OTOG: variants seen among roughly 807,000 people sequenced by gnomAD.
OTOG encodes the protein otogelin.
OTOG carries 296 observed loss-of-function variants against 313.8 expected under a neutral mutation model. The ratio of observed to expected loss-of-function variants is 0.94; its 90% confidence interval spans 0.86 to 1.04. The LOEUF is 1.04. Ranked by LOEUF, OTOG falls within the 50% of genes least tolerant of loss-of-function variation. OTOG has a pLI of 0.00. For missense variants in OTOG, 3,948 were observed against 3,840.1 expected (o/e 1.03, Z -0.74); for synonymous variants, 1,533 against 1,554.9 (o/e 0.99, Z 0.33).
intron 54 of OTOG, among the ~76,000 whole-genome samples, chr11:17,644,164 A>G (rs1393227504): frequency 6.6e-6 from 1 of 152,240 alleles, no homozygotes; most frequent in East Asian, 1.9e-4. Context: ...CTGGGCTTGC[A>G]TGGGAAAGCT....
rs1195697994 is a variant in OTOG at position 17,638,508 on chromosome 11, A to T, written c.7853A>T (p.Glu2618Val). 2.6e-6 allele frequency: 4 copies of T among 1,550,176 alleles called. No homozygotes were observed. The highest frequency in any genetic ancestry group is 3.5e-6 in the Non-Finnish European group (4 of 1,146,986). Residue 2618 changes from glutamate to valine, a missense_variant, in exon 48 of 56, where the codon GAG (glutamate) becomes GTG (valine). Transcript: ENST00000399397. ...TGTGGCCTGGGCACTGCCCTGGTGGAGGTGTGGAGCCCCGACCGCTGCTGC... is the reference window on the plus strand; with the variant it reads ...TGTGGCCTGGGCACTGCCCTGGTGGTGGTGTGGAGCCCCGACCGCTGCTGC... Reference protein sequence around the residue: ...VQCGLGTALVEVWSPDRCCPY... With the variant: ...VQCGLGTALVVVWSPDRCCPY...
At chr11:17,642,342 A>C in intron 53 of OTOG, 96 bp downstream of exon 53, 1 of 1,414,756 alleles carries the variant, frequency 7.1e-7, no homozygotes, top group Admixed American at 2.7e-5. Flanking sequence ...GTGCAGGAAG[A>C]AGGGCTCCCT....
intron 30 of OTOG, among the ~76,000 whole-genome samples, chr11:17,597,971 C>T (rs1853154528): frequency 6.6e-6 from 1 of 152,248 alleles, no homozygotes; most frequent in Non-Finnish European, 1.5e-5. Flanking sequence ...ATTGCATGTA[C>T]AGCACTTGGC....
rs1382810734 is a variant in OTOG, at chr11:17,591,565, G to T, written c.2983G>T (p.Ala995Ser). 2 of 1,550,638 alleles carry T rather than the reference G, an allele frequency of 1.3e-6. No homozygotes were observed. Among genetic ancestry groups the T allele is most frequent in the Middle Eastern group, 1.7e-4 (1 of 5,992 alleles). Residue 995 changes from alanine to serine, a missense_variant, in exon 25 of 56, where the codon GCA (alanine) becomes TCA (serine). Transcript: ENST00000399397. The part of the protein sequence containing the change: ...FDGLPFDFVG[A>S]CKVHLVKSTS... Reference sequence around the variant, plus strand: ...TGGGCTCCCGTTTGACTTCGTGGGGGCATGCAAAGTGCACCTGGTCAAGGT... The same window carrying T: ...TGGGCTCCCGTTTGACTTCGTGGGGTCATGCAAAGTGCACCTGGTCAAGGT...
In OTOG at chr11:17,557,156, A is replaced by G. The variant is rs905156944; in HGVS notation, c.698A>G (p.Gln233Arg). ...LPHVMGSARL[Q>R]QLAGYVIVRH... The stretch of plus-strand genomic sequence containing the variant: ...CATGTCATGGGGAGCGCGCGTCTGC[A>G]GCAGCTTGCCGGCTATGTCATCGTG... Residue 233 changes from glutamine to arginine, a missense_variant, in exon 8 of 56, where the codon CAG becomes CGG. Coordinates refer to ENST00000399397, the MANE Select transcript of OTOG (RefSeq NM_001292063.2). 13 of 1,550,464 alleles carry G rather than the reference A, an allele frequency of 8.4e-6. No individual in the cohort carries two copies. The Admixed American group carries it at 2.2e-4, about 26-fold the overall frequency.
intron 6 of OTOG, among the ~76,000 whole-genome samples, chr11:17,555,205 A>AGGG (rs527565923): frequency 1.4e-5 from 2 of 144,338 alleles, no homozygotes; most frequent in African/African-American, 5.5e-5. Flanking sequence ...GCGGGGGCAG[A>AGGG]GATGTGTGTG....
chr11:17,608,890 T>C (rs1853455227), intron 34 of OTOG, among the ~76,000 whole-genome samples: 1 of 152,138 alleles, frequency 6.6e-6, no homozygotes, highest in South Asian at 2.1e-4. Flanking sequence ...TGTGTGTGTT[T>C]CCCTCTCGGT....
At position 17,641,971 on chromosome 11, in the gene OTOG, C is replaced by T. The variant is rs551546335; in HGVS notation, c.8295+20C>T. 140 of 1,547,240 alleles carry T rather than the reference C, an allele frequency of 9.0e-5. 1 individual carries two copies. The East Asian group carries it at 3.4e-3, about 38-fold the overall frequency. ...TTCTTGGTAAGCAGCCCCCTCGCTG[C>T]CCACTTAGGAGGGTGTCCCAGAAGG... On this transcript the variant is annotated intron_variant, in intron 52 of 55. Transcript: ENST00000399397.
chr11:17,551,973 G>T lies in OTOG; in HGVS notation c.217-27G>T, dbSNP rs1015511372. On this transcript the variant is annotated intron_variant, in intron 3 of 55. Coordinates refer to ENST00000399397, the MANE Select transcript of OTOG (RefSeq NM_001292063.2). ...ACCCGTCCTGAGGTCAGCCCTCGAT[G>T]TGTTCTCTTCCTCCTGTCTTCACAA... 4 of 1,548,040 alleles carry T rather than the reference G, an allele frequency of 2.6e-6. 1 individual carries two copies. The highest frequency in any genetic ancestry group is 2.7e-5 in the African/African-American group (2 of 72,914).
chr11:17,558,921 T>A, intron 10 of OTOG, 131 bp from the exon 11 acceptor site: 1 of 803,210 alleles, frequency 1.2e-6, no homozygotes. Flanking sequence ...CCTAGATGCC[T>A]TCCTGGGCAG....
chr11:17,629,644 C>T (rs1422513906), intron 40 of OTOG, among the ~76,000 whole-genome samples: 3 of 152,174 alleles, frequency 2.0e-5, no homozygotes, highest in Non-Finnish European at 4.4e-5. Flanking sequence ...GTCTATCTCA[C>T]TTATTCCTGG....
Position 17,612,773 on chromosome 11 carries a change from C to A in OTOG, c.6438+8C>A, listed in dbSNP as rs1853594554. The A allele has an allele frequency of 1.3e-6, 2 of 1,549,226 alleles. No homozygotes were observed. Among genetic ancestry groups the A allele is most frequent in the South Asian group, 2.4e-5 (2 of 83,856 alleles). ...TGCAAAAGTGCCAACCTGGTGCCTG[C>A]CCCATACCTCCCTCCCTGCTGGGGA... On this transcript the variant is annotated splice_region_variant and intron_variant, in intron 38 of 55. Transcript: ENST00000399397.
chr11:17,621,899 A>G (rs1195398092), intron 39 of OTOG, among the ~76,000 whole-genome samples: 1 of 152,230 alleles, frequency 6.6e-6, no homozygotes, highest in Non-Finnish European at 1.5e-5. Flanking sequence ...GGGTAAATCC[A>G]GTTCCTATTA....
chr11:17,576,651 C>T, intron 21 of OTOG, 21 bp downstream of exon 21: 7 of 1,534,866 alleles, frequency 4.6e-6, no homozygotes, highest in Non-Finnish European at 6.2e-6. Flanking sequence ...TAGGTAGCAG[C>T]CTTCTTGTCC....
At chr11:17,638,323 T>C in intron 47 of OTOG, 128 bp from the exon 48 acceptor site, 1 of 788,054 alleles carries the variant, frequency 1.3e-6, no homozygotes, top group Non-Finnish European at 2.0e-6. Context: ...TCCCTGGGGC[T>C]CTGAGGACAG....
At chr11:17,560,380 A>T (rs1017782116) in intron 12 of OTOG, among the ~76,000 whole-genome samples, 8 of 152,124 alleles carry the variant, frequency 5.3e-5, no homozygotes, top group Non-Finnish European at 4.4e-5. Context: ...GTTGTCAGGG[A>T]AGTCATTCCT....
intron 48 of OTOG, 90 bp downstream of exon 48, chr11:17,638,639 C>T: frequency 2.0e-6 from 3 of 1,482,444 alleles, no homozygotes; most frequent in South Asian, 1.2e-5. Flanking sequence ...CCACCGTCCA[C>T]TCCTCTCAGA....
At chr11:17,602,405 C>A in intron 32 of OTOG, 28 bp downstream of exon 32, 4 of 1,541,180 alleles carry the variant, frequency 2.6e-6, no homozygotes, top group Non-Finnish European at 3.5e-6. Flanking sequence ...CCCACTCCAG[C>A]TCTTCTGGGA....
chr11:17,549,464 C>T (rs1851887294), intron 3 of OTOG, among the ~76,000 whole-genome samples: 1 of 152,230 alleles, frequency 6.6e-6, no homozygotes, highest in Non-Finnish European at 1.5e-5. Flanking sequence ...TTTGCCCACA[C>T]TTCCAGGCCC....
Sources: gnomAD v4.1 joint callset for allele counts (sites outside exome capture counted in the v4.1 genomes callset) on GRCh38, gnomAD v4.1.1 for gene constraint, MANE v1.5 for transcripts, NCBI Gene and HGNC (gene_info 2026-07-23, HGNC 2026-07-21) for gene names.